Variants in PRKAG2 observed in about 807,000 individuals in gnomAD.
PRKAG2 encodes the protein 5'-AMP-activated protein kinase subunit gamma-2.
PRKAG2 carries 26 observed loss-of-function variants against 69.6 expected under a neutral mutation model. The observed-to-expected ratio is 0.37, with a 90% CI of 0.27 to 0.52. The LOEUF is 0.52. Among genes scored for constraint, PRKAG2 ranks in the 20% least tolerant of loss-of-function variants. The pLI is 0.90. For missense variants in PRKAG2, 557 were observed against 740.0 expected (o/e 0.75, Z 2.87); for synonymous variants, 293 against 285.0 (o/e 1.03, Z -0.28).
At chr7:151,696,683 C>T (rs987193545) in intron 3 of PRKAG2, among the ~76,000 whole-genome samples, 2 of 152,216 alleles carry the variant, frequency 1.3e-5, no homozygotes, top group African/African-American at 4.8e-5. Flanking sequence ...GATTTGAAGC[C>T]CCTGTCTGAA....
intron 3 of PRKAG2, among the ~76,000 whole-genome samples, chr7:151,754,940 G>T (rs1157536808): frequency 6.6e-6 from 1 of 152,002 alleles, no homozygotes; most frequent in Non-Finnish European, 1.5e-5. Flanking sequence ...AGGAAGGGTC[G>T]CTGCAGGCTC....
intron 6 of PRKAG2, among the ~76,000 whole-genome samples, chr7:151,587,776 G>A (rs998793680): frequency 6.6e-6 from 1 of 152,176 alleles, no homozygotes; most frequent in African/African-American, 2.4e-5. Flanking sequence ...ATGACGAGAC[G>A]TGATGGGGTA....
rs780341115 is a variant in PRKAG2, at chr7:151,565,891, C to T, written c.1234-6G>A. ...GGCTTTGGCATATCAGACATCTAAA[C>T]GGAAGATAAACGCAAACGTTCTAGA... On this transcript the variant is annotated splice_polypyrimidine_tract_variant and splice_region_variant and intron_variant, in intron 11 of 15. Coordinates refer to ENST00000287878, the MANE Select transcript of PRKAG2 (RefSeq NM_016203.4). The T allele has an allele frequency of 3.8e-5, 61 of 1,612,396 alleles. No homozygotes were observed. The highest frequency in any genetic ancestry group is 1.7e-4 in the Middle Eastern group (1 of 6,058).
chr7:151,645,409 C>G (rs1269248315), intron 4 of PRKAG2, among the ~76,000 whole-genome samples: 1 of 152,130 alleles, frequency 6.6e-6, no homozygotes, highest in Non-Finnish European at 1.5e-5. Context: ...TCGGATGAGA[C>G]CCTGGTCCTG....
chr7:151,743,941 GC>G (rs531665446), intron 3 of PRKAG2, among the ~76,000 whole-genome samples: 1 of 152,148 alleles, frequency 6.6e-6, no homozygotes, highest in African/African-American at 2.4e-5. Context: ...AGGTGTGCCA[GC>G]CCCCCCACAT....
intron 3 of PRKAG2, among the ~76,000 whole-genome samples, chr7:151,698,565 CCT>C (rs1837101554): frequency 6.6e-6 from 1 of 152,088 alleles, no homozygotes. Context: ...GCACCTCCTC[CCT>C]GTCTCTTGCC....
At chr7:151,735,713 C>A (rs114614418) in intron 3 of PRKAG2, among the ~76,000 whole-genome samples, 108 of 152,298 alleles carry the variant, frequency 7.1e-4, no homozygotes, top group African/African-American at 2.5e-3. Context: ...CAGGCGGCTC[C>A]CCACAGCAGC....
intron 4 of PRKAG2, among the ~76,000 whole-genome samples, chr7:151,634,639 A>G (rs1243085219): frequency 1.3e-5 from 2 of 152,234 alleles, no homozygotes; most frequent in East Asian, 3.8e-4. Context: ...AATGTCTGGA[A>G]TACATAAACA....
At chr7:151,816,605 AG>A (rs1232581160) in intron 1 of PRKAG2, among the ~76,000 whole-genome samples, 1 of 152,250 alleles carries the variant, frequency 6.6e-6, no homozygotes, top group Non-Finnish European at 1.5e-5. Flanking sequence ...CTGGAACCAG[AG>A]GGCAGTGCTA....
intron 1 of PRKAG2, among the ~76,000 whole-genome samples, chr7:151,799,550 G>C (rs1431554559): frequency 6.6e-6 from 1 of 152,174 alleles, no homozygotes; most frequent in African/African-American, 2.4e-5. Context: ...GTCATTTATT[G>C]TACATGAATC....
intron 3 of PRKAG2, among the ~76,000 whole-genome samples, chr7:151,677,345 C>T (rs959182309): frequency 5.9e-5 from 9 of 152,082 alleles, no homozygotes; most frequent in Non-Finnish European, 7.4e-5. Flanking sequence ...TGCCACCAGG[C>T]CTGGCTAATC....
In PRKAG2 at chr7:151,632,032, G is replaced by A. The variant is rs1293886963; in HGVS notation, c.754+37C>T. 1.4e-5 allele frequency: 18 copies of A among 1,307,764 alleles called. No homozygotes were observed. In the Middle Eastern group the frequency reaches 2.0e-3, roughly 149 times the overall value. The allele number at this position is 1,307,764 out of a possible 1,614,324, so 81.0% of individuals were successfully genotyped here. ...CCCGGTCCTCGGGCGGCCGGGCCGT[G>A]GGAGCGCCGGGCCGGCAGCGGGCGG... On this transcript the variant is annotated intron_variant, in intron 5 of 15. Transcript: ENST00000287878. The surrounding 1 kb of genome is among the most constrained non-coding windows in gnomAD (Gnocchi z 4.2).
intron 1 of PRKAG2, among the ~76,000 whole-genome samples, chr7:151,792,362 C>T (rs1184597764): frequency 2.2e-4 from 34 of 152,224 alleles, no homozygotes; most frequent in Non-Finnish European, 5.9e-5. Context: ...CTTGCACTAT[C>T]CACATTTGGA....
chr7:151,718,003 G>A (rs763629021), intron 3 of PRKAG2, among the ~76,000 whole-genome samples: 12 of 152,184 alleles, frequency 7.9e-5, no homozygotes, highest in Non-Finnish European at 1.2e-4. Context: ...GGGGGAAGGG[G>A]CTCTGATGTG....
chr7:151,632,733 C>T lies in PRKAG2; in HGVS notation c.685-595G>A. ...TTCCCTTTCCAAATTTTAGATGTAA[C>T]TGCCCATCCTCGGCCCCCTTAACAA... On this transcript the variant is annotated intron_variant, in intron 4 of 15. Transcript: ENST00000287878. The surrounding 1 kb of genome is among the most constrained non-coding windows in gnomAD (Gnocchi z 4.2). The T allele has an allele frequency of 2.7e-6, 1 of 375,350 alleles. No homozygotes were observed. The highest frequency in any genetic ancestry group is 3.7e-6 in the Non-Finnish European group (1 of 271,796). The allele number at this position is 375,350 out of a possible 1,614,324, so 23.3% of individuals were successfully genotyped here. A position where few individuals can be genotyped will look rare whatever the true frequency, so the allele number is the denominator to read the frequency against.
intron 6 of PRKAG2, among the ~76,000 whole-genome samples, chr7:151,580,767 A>T (rs1488370192): frequency 6.9e-6 from 1 of 145,686 alleles, no homozygotes; most frequent in Non-Finnish European, 1.5e-5. Context: ...AATAGAGAGT[A>T]GAATGATGGT....
At chr7:151,673,700 T>C (rs1832427930) in intron 4 of PRKAG2, among the ~76,000 whole-genome samples, 1 of 152,236 alleles carries the variant, frequency 6.6e-6, no homozygotes, top group Non-Finnish European at 1.5e-5. Context: ...TGTTACAGAT[T>C]GGACCGTATC....
chr7:151,606,237 G>T (rs1335226748), intron 5 of PRKAG2, among the ~76,000 whole-genome samples: 1 of 152,110 alleles, frequency 6.6e-6, no homozygotes, highest in African/African-American at 2.4e-5. Flanking sequence ...GATTATTACT[G>T]ATGTAATAAA....
intron 6 of PRKAG2, among the ~76,000 whole-genome samples, chr7:151,580,303 T>C (rs976184390): frequency 2.0e-5 from 3 of 152,024 alleles, no homozygotes; most frequent in Admixed American, 1.3e-4. Flanking sequence ...GCTGAGACCA[T>C]GCCACTGTAC....
Sources: allele counts gnomAD v4.1 joint callset (sites outside exome capture counted in the v4.1 genomes callset), GRCh38; gene constraint gnomAD v4.1.1; non-coding constraint Gnocchi (gnomAD v3.1); transcripts MANE v1.5; gene names NCBI Gene and HGNC (gene_info 2026-07-23, HGNC 2026-07-21).